The following GOLGB1 variants were observed in gnomAD, a reference collection of about 807,000 sequenced individuals.
GOLGB1 encodes golgin B1.
Under a neutral mutation model 336.9 loss-of-function variants are expected in GOLGB1, and 174 were observed. That is an observed-to-expected ratio of 0.52 (90% confidence interval 0.46 to 0.59). The LOEUF (loss-of-function observed/expected upper bound fraction) is 0.59. Ranked by LOEUF, GOLGB1 falls within the 20% of genes least tolerant of loss-of-function variation. GOLGB1 has a pLI of 0.00. For synonymous variants in GOLGB1, 1,208 were observed against 1,289.2 expected (o/e 0.94, Z 1.35); for missense variants, 3,331 against 3,645.3 (o/e 0.91, Z 2.22).
At chr3:121,673,218 G>A (rs953228960) in intron 17 of GOLGB1, among the ~76,000 whole-genome samples, 2 of 151,894 alleles carry the variant, frequency 1.3e-5, no homozygotes, top group South Asian at 2.1e-4. Context: ...ACAGGCCCCC[G>A]CCATCACGCC....
Position 121,691,429 on chromosome 3 carries a change from CTCT to C in GOLGB1, c.7932_7934del (p.Glu2645del). On this transcript the variant is annotated inframe_deletion, in exon 14 of 22. Transcript: ENST00000614479. Reference sequence around the variant, plus strand: ...AAAACAAAGCACTTAACCTGTGTACCTCTTCTTCTTTTACTTTTAACTGGGCAT... The same window carrying C: ...AAAACAAAGCACTTAACCTGTGTACCTCTTCTTTTACTTTTAACTGGGCAT... 1.2e-6 allele frequency: 2 copies of C among 1,613,654 alleles called. No individual in the cohort carries two copies. The highest frequency in any genetic ancestry group is 8.5e-7 in the Non-Finnish European group (1 of 1,179,972).
At chr3:121,711,443 A>G (rs1944352312) in intron 10 of GOLGB1, among the ~76,000 whole-genome samples, 1 of 152,146 alleles carries the variant, frequency 6.6e-6, no homozygotes. Context: ...TAAATTATGG[A>G]ACACTTTCCT....
chr3:121,733,022 C>T (rs1266179297), intron 1 of GOLGB1, among the ~76,000 whole-genome samples: 1 of 152,098 alleles, frequency 6.6e-6, no homozygotes, highest in Non-Finnish European at 1.5e-5. Context: ...TACAAAGTCA[C>T]TATATAAAAG....
intron 17 of GOLGB1, among the ~76,000 whole-genome samples, chr3:121,671,944 T>C (rs965322857): frequency 5.9e-5 from 9 of 152,176 alleles, no homozygotes; most frequent in African/African-American, 2.2e-4. Context: ...TGTCCTCCAG[T>C]TCCATCTATG....
At chr3:121,682,667 C>T (rs771974868) in intron 14 of GOLGB1, among the ~76,000 whole-genome samples, 10 of 152,158 alleles carry the variant, frequency 6.6e-5, no homozygotes, top group African/African-American at 1.7e-4. Context: ...AATATCAGGA[C>T]ATCTGGGCAA....
chr3:121,715,029 G>A (rs1321086622), intron 9 of GOLGB1, 53 bp from the exon 10 acceptor site: 1 of 968,956 alleles, frequency 1.0e-6, no homozygotes, highest in African/African-American at 1.6e-5. Flanking sequence ...CTGAAATGTA[G>A]TTATTATTAT....
In GOLGB1 at chr3:121,694,465, T is replaced by C; in HGVS notation, c.6058A>G (p.Lys2020Glu). The change falls in exon 13 of 22, where the codon AAA becomes GAA. Residue 2020 changes from lysine (K) to glutamate (E), a missense_variant. By Grantham distance (56) the Lys-to-Glu change is moderately conservative (BLOSUM62 1). Transcript: ENST00000614479. Reference protein sequence around the residue: ...SHAKELQELLKEKQQEVKQLQ... With the variant: ...SHAKELQELLEEKQQEVKQLQ... ...TGCTTTACTTCTTGTTGTTTTTCTTTTAACAGTTCCTGAAGTTCCTTTGCA... is the reference window on the plus strand; with the variant it reads ...TGCTTTACTTCTTGTTGTTTTTCTTCTAACAGTTCCTGAAGTTCCTTTGCA... 6.2e-7 allele frequency: 1 copy of C among 1,612,486 alleles called. No individual in the cohort carries two copies. Among genetic ancestry groups the C allele is most frequent in the Non-Finnish European group, 8.5e-7 (1 of 1,179,802 alleles).
In GOLGB1 at chr3:121,695,131, T is replaced by C; in HGVS notation, c.5392A>G (p.Ile1798Val). 3 of 1,613,576 alleles carry C rather than the reference T, an allele frequency of 1.9e-6. No individual in the cohort carries two copies. Among genetic ancestry groups the C allele is most frequent in the Non-Finnish European group, 2.5e-6 (3 of 1,179,508 alleles). The change falls in exon 13 of 22, where the codon ATA (isoleucine) becomes GTA (valine). Residue 1798 changes from isoleucine to valine, a missense_variant. Ile to Val is a conservative substitution (Grantham distance 29, BLOSUM62 3). Coordinates refer to ENST00000614479, the MANE Select transcript of GOLGB1 (RefSeq NM_001366282.2). ...TCTTGCTCTTCAGTCTCACCTGGTA[T>C]AGACTGTGTTCCCTCTTCAGTGACA... is the stretch of plus-strand genomic sequence containing the variant. ...TNVTEEGTQS[I>V]PGETEEQDSL...
rs1226209102 is a variant in GOLGB1 at position 121,731,767 on chromosome 3, ATAGAAAAT to A, written c.-2-802_-2-795del. On this transcript the variant is annotated intron_variant, in intron 1 of 21. Coordinates refer to ENST00000614479, the MANE Select transcript of GOLGB1 (RefSeq NM_001366282.2). ...GAAATCAGTAACCTATGATTCTTCTATAGAAAATTAGAAAAAGAAGAACAAATTACAGC... is the reference window on the plus strand; with the variant it reads ...GAAATCAGTAACCTATGATTCTTCTATAGAAAAAGAAGAACAAATTACAGC... Among the ~76,000 whole-genome samples the A allele has an allele frequency of 4.6e-5, 7 of 152,330 alleles. No homozygotes were observed. In the East Asian group the frequency reaches 1.3e-3, roughly 29 times the overall value.
rs74492735 is a variant in GOLGB1, at chr3:121,705,897, G to T, written c.1405-3302C>A. Among the ~76,000 whole-genome samples, 134 of 152,304 alleles carry T rather than the reference G, an allele frequency of 8.8e-4. 2 individuals carry two copies. In the East Asian group the frequency reaches 0.025, roughly 29 times the overall value. On this transcript the variant is annotated intron_variant, in intron 10 of 21. Transcript: ENST00000614479. The stretch of plus-strand genomic sequence containing the variant: ...GAATACTCAGCAAGGTCTTGCCTCA[G>T]GAGTATCGAATGACTGAGCACTGAT...
intron 1 of GOLGB1, among the ~76,000 whole-genome samples, chr3:121,746,292 T>C (rs1947278814): frequency 6.6e-6 from 1 of 152,202 alleles, no homozygotes; most frequent in Non-Finnish European, 1.5e-5. Context: ...TATGACATAA[T>C]TTTACAATTA....
At chr3:121,727,737 C>T (rs936751367) in intron 4 of GOLGB1, among the ~76,000 whole-genome samples, 48 of 152,014 alleles carry the variant, frequency 3.2e-4, no homozygotes, top group Admixed American at 3.3e-4. Context: ...TTAGTCCCTC[C>T]CAACCCCCTA....
Position 121,677,401 on chromosome 3 carries a change from A to G in GOLGB1, c.8923T>C (p.Tyr2975His). 6.2e-7 allele frequency: 1 copy of G among 1,607,014 alleles called. No homozygotes were observed. Among genetic ancestry groups the G allele is most frequent in the African/African-American group, 1.3e-5 (1 of 74,864 alleles). The change falls in exon 16 of 22, where the codon TAC becomes CAC. Residue 2975 changes from tyrosine (Y) to histidine (H), a missense_variant. Tyr to His is a moderately conservative substitution (Grantham distance 83). Coordinates refer to ENST00000614479, the MANE Select transcript of GOLGB1 (RefSeq NM_001366282.2). The part of the protein sequence containing the change: ...EIHERRMKEQ[Y>H]LMAISDKDQQ... Reference sequence around the variant, plus strand: ...TCTTTATCTGAGATAGCCATAAGGTACTGTTCCTTCATTCTCCTCTCATGT... The same window carrying G: ...TCTTTATCTGAGATAGCCATAAGGTGCTGTTCCTTCATTCTCCTCTCATGT...
In GOLGB1 at chr3:121,695,254, G is replaced by C. The variant is rs547309448; in HGVS notation, c.5269C>G (p.Leu1757Val). The C allele has an allele frequency of 9.3e-6, 15 of 1,613,368 alleles. No individual in the cohort carries two copies. In the East Asian group the frequency reaches 3.1e-4, roughly 34 times the overall value. ...FQSLMSEKDS[L>V]SEEVQDLKHQ... ...TTTAAATCTTGAACCTCTTCACTTA[G>C]AGAGTCTTTCTCAGACATTAAAGAC... Residue 1757 changes from leucine to valine, a missense_variant, in exon 13 of 22, where the codon CTA becomes GTA. Physicochemically the swap from Leu to Val is conservative, Grantham distance 32. Coordinates refer to ENST00000614479, the MANE Select transcript of GOLGB1 (RefSeq NM_001366282.2).
chr3:121,725,036 G>A (rs187707925), intron 5 of GOLGB1, among the ~76,000 whole-genome samples: 12 of 152,266 alleles, frequency 7.9e-5, no homozygotes, highest in East Asian at 1.9e-4. Context: ...CTTACATGTC[G>A]AAGGATGTCA....
chr3:121,665,908 GA>G (rs1484119614), intron 20 of GOLGB1, among the ~76,000 whole-genome samples: 1 of 152,218 alleles, frequency 6.6e-6, no homozygotes, highest in African/African-American at 2.4e-5. Context: ...TGTGAGTCTA[GA>G]AAGAGAACTG....
chr3:121,746,173 A>T (rs1469731845), intron 1 of GOLGB1, among the ~76,000 whole-genome samples: 1 of 152,204 alleles, frequency 6.6e-6, no homozygotes, highest in African/African-American at 2.4e-5. Context: ...ATGCTTATTT[A>T]GTTAAGCCTC....
rs1357778352 is a variant in GOLGB1 at position 121,694,119 on chromosome 3, G to T, written c.6404C>A (p.Ala2135Glu). The change falls in exon 13 of 22, where the codon GCA becomes GAA. Residue 2135 changes from alanine (A) to glutamate (E), a missense_variant. Ala to Glu is a moderately radical substitution (Grantham distance 107). Coordinates refer to ENST00000614479, the MANE Select transcript of GOLGB1 (RefSeq NM_001366282.2). ...DEDLERRLEQ[A>E]EEKHLKEKKN... ...CTTCTCTTTCAGGTGCTTCTCTTCT[G>T]CCTGTTCCAGTCTTCGCTCAAGATC... The T allele has an allele frequency of 6.2e-7, 1 of 1,613,640 alleles. No homozygotes were observed. Among genetic ancestry groups the T allele is most frequent in the Non-Finnish European group, 8.5e-7 (1 of 1,179,980 alleles).
intron 5 of GOLGB1, among the ~76,000 whole-genome samples, chr3:121,723,756 C>T (rs1170517635): frequency 6.6e-6 from 1 of 152,152 alleles, no homozygotes; most frequent in Non-Finnish European, 1.5e-5. Context: ...AGAAATCCGG[C>T]TCCCATATCT....
Sources: allele counts gnomAD v4.1 joint callset (sites outside exome capture counted in the v4.1 genomes callset), GRCh38; gene constraint gnomAD v4.1.1; transcripts MANE v1.5; gene names NCBI Gene and HGNC (gene_info 2026-07-23, HGNC 2026-07-21).